Variants in ADAMTSL1 observed in about 807,000 individuals in gnomAD.
ADAMTSL1 encodes ADAMTS like 1, also known as ADAMTS-like protein 1.
ADAMTSL1 carries 126 observed loss-of-function variants against 201.8 expected under a neutral mutation model. That is an observed-to-expected ratio of 0.62 (90% CI 0.54 to 0.72). The LOEUF (loss-of-function observed/expected upper bound fraction) is 0.72, where lower values mean the gene tolerates loss of function less well. ADAMTSL1 is among the 30% of genes least tolerant of loss of function. The pLI, the probability that ADAMTSL1 is intolerant of heterozygous loss-of-function variation, is 0.00. For synonymous variants in ADAMTSL1, 1,121 were observed against 903.4 expected, an observed-to-expected ratio of 1.24 and a Z score of -4.32; for missense variants, 2,679 against 2,277.8, an observed-to-expected ratio of 1.18 and a Z score of -3.59.
At chr9:18,436,724 T>G (rs576858875) in intron 2 of ADAMTSL1, among the ~76,000 whole-genome samples, 1 of 152,194 alleles carries the variant, frequency 6.6e-6, no homozygotes, top group Admixed American at 6.5e-5. Flanking sequence ...CCCCTCCTCC[T>G]GGAAAATCCC....
intron 13 of ADAMTSL1, among the ~76,000 whole-genome samples, chr9:18,703,643 T>A (rs1242782691): frequency 4.9e-5 from 7 of 143,982 alleles, no homozygotes; most frequent in African/African-American, 7.6e-5. Context: ...TTTATTGTTT[T>A]TGCTATTAAC....
At chr9:18,437,790 CT>C (rs1209856696) in intron 2 of ADAMTSL1, among the ~76,000 whole-genome samples, 3 of 152,142 alleles carry the variant, frequency 2.0e-5, no homozygotes, top group Non-Finnish European at 4.4e-5. Context: ...ATCACATGAC[CT>C]TTTGAGCTTC....
chr9:18,438,026 C>G (rs1437381021), intron 2 of ADAMTSL1, among the ~76,000 whole-genome samples: 2 of 152,152 alleles, frequency 1.3e-5, no homozygotes, highest in Admixed American at 1.3e-4. Flanking sequence ...ATCAAGGTCA[C>G]TCTTGAGTCA....
intron 1 of ADAMTSL1, among the ~76,000 whole-genome samples, chr9:18,143,981 C>T (rs1211438885): frequency 1.3e-5 from 2 of 152,102 alleles, no homozygotes; most frequent in African/African-American, 2.4e-5. Flanking sequence ...GAACGTTTAA[C>T]AACTGAGTAA....
intron 14 of ADAMTSL1, among the ~76,000 whole-genome samples, chr9:18,711,218 A>G (rs987856756): frequency 6.6e-5 from 10 of 152,222 alleles, no homozygotes; most frequent in African/African-American, 2.4e-4. Context: ...AAGGAAACAT[A>G]TAATAAGAAA....
At chr9:18,632,730 AG>A (rs1325545647) in intron 5 of ADAMTSL1, among the ~76,000 whole-genome samples, 1 of 152,200 alleles carries the variant, frequency 6.6e-6, no homozygotes, top group African/African-American at 2.4e-5. Flanking sequence ...ATGTCTGGCC[AG>A]GGGTCCATCA....
intron 14 of ADAMTSL1, chr9:18,718,517 T>C (rs556720): frequency 0.28 from 153,763 of 542,746 alleles, 23,804 homozygotes; most frequent in Non-Finnish European, 0.34. Context: ...GACTAGCTTA[T>C]ACTCATGCAT....
At chr9:18,726,147 T>C (rs1817879445) in intron 15 of ADAMTSL1, among the ~76,000 whole-genome samples, 1 of 152,216 alleles carries the variant, frequency 6.6e-6, no homozygotes, top group South Asian at 2.1e-4. Flanking sequence ...AAAGAAAACG[T>C]GATTTTTAAA....
intron 23 of ADAMTSL1, among the ~76,000 whole-genome samples, chr9:18,868,545 A>G (rs1490847546): frequency 6.6e-6 from 1 of 152,258 alleles, no homozygotes; most frequent in Admixed American, 6.5e-5. Flanking sequence ...TGGGGTCTCT[A>G]TTAAATGCTC....
At chr9:18,374,134 C>A (rs1024964103) in intron 2 of ADAMTSL1, among the ~76,000 whole-genome samples, 2 of 152,054 alleles carry the variant, frequency 1.3e-5, no homozygotes, top group African/African-American at 4.8e-5. Flanking sequence ...AAAAGCTATC[C>A]AAATGAGCCT....
chr9:18,384,082 G>A (rs1253347829), intron 2 of ADAMTSL1, among the ~76,000 whole-genome samples: 1 of 152,120 alleles, frequency 6.6e-6, no homozygotes, highest in Non-Finnish European at 1.5e-5. Context: ...AGACATACTT[G>A]AGACCAGGGC....
intron 2 of ADAMTSL1, among the ~76,000 whole-genome samples, chr9:18,272,406 G>A (rs552493696): frequency 2.2e-4 from 33 of 152,262 alleles, no homozygotes; most frequent in Middle Eastern, 3.4e-3. Flanking sequence ...CTAGCTATAC[G>A]TAGAAAGCTG....
At chr9:18,753,641 G>T in intron 16 of ADAMTSL1, 133 bp downstream of exon 16, 1 of 989,796 alleles carries the variant, frequency 1.0e-6, no homozygotes, top group East Asian at 2.6e-5. Context: ...TCCCTTCTTA[G>T]TACTCCCCTA....
At chr9:18,115,319 C>T (rs1351113282) in intron 1 of ADAMTSL1, among the ~76,000 whole-genome samples, 1 of 152,124 alleles carries the variant, frequency 6.6e-6, no homozygotes, top group Non-Finnish European at 1.5e-5. Context: ...CTCTACCAGG[C>T]ATGCTGCAGG....
intron 26 of ADAMTSL1, among the ~76,000 whole-genome samples, chr9:18,897,791 T>A (rs756156811): frequency 6.6e-6 from 1 of 152,114 alleles, no homozygotes. Context: ...CCAGAGTGCC[T>A]CTTCTCCTCT....
At position 18,563,756 on chromosome 9, in the gene ADAMTSL1, C is replaced by T. The variant is rs184276635; in HGVS notation, c.238-10274C>T. 1.1e-4 allele frequency among the ~76,000 whole-genome samples: 17 copies of T among 152,308 alleles called. No individual in the cohort carries two copies. In the East Asian group the frequency reaches 1.2e-3, roughly 10 times the overall value. ...AGGCAGTCTGGCTACAGCAGCTTTG[C>T]GTAGCTGCGGTGGGCTCTGCCCAGT... On this transcript the variant is annotated intron_variant, in intron 3 of 28. Transcript: ENST00000380548.
chr9:18,190,448 A>C (rs1385038039), intron 2 of ADAMTSL1, among the ~76,000 whole-genome samples: 1 of 152,198 alleles, frequency 6.6e-6, no homozygotes, highest in Non-Finnish European at 1.5e-5. Flanking sequence ...CTTTAAACAG[A>C]GGACTCTTAT....
At chr9:18,074,622 C>G (rs1380814728) in intron 1 of ADAMTSL1, among the ~76,000 whole-genome samples, 1 of 148,920 alleles carries the variant, frequency 6.7e-6, no homozygotes, top group Non-Finnish European at 1.5e-5. Context: ...CGGAGTTTCA[C>G]TCTCGTCACT....
chr9:18,455,849 G>T (rs1820581817), intron 2 of ADAMTSL1, among the ~76,000 whole-genome samples: 1 of 151,616 alleles, frequency 6.6e-6, no homozygotes, highest in Admixed American at 6.6e-5. Flanking sequence ...TGTGGAAGGG[G>T]TTCAAGGATC....
Sources: gnomAD v4.1 joint callset for allele counts (sites outside exome capture counted in the v4.1 genomes callset) on GRCh38, gnomAD v4.1.1 for gene constraint, MANE v1.5 for transcripts, NCBI Gene and HGNC (gene_info 2026-07-23, HGNC 2026-07-21) for gene names.